Variants in HTR2A observed in about 807,000 individuals in gnomAD.
The protein encoded by HTR2A is 5-HT2 receptor.
HTR2A carries 14 observed loss-of-function variants against 31.0 expected under a neutral mutation model. That is an observed-to-expected ratio of 0.45 (90% CI 0.30 to 0.71). HTR2A has a LOEUF of 0.71. Among genes scored for constraint, HTR2A ranks in the 30% least tolerant of loss-of-function variants. The probability of loss-of-function intolerance (pLI) is 0.09; values close to 1 mark genes in which losing one functional copy is unlikely to be tolerated. For synonymous variants in HTR2A, 209 were observed against 225.2 expected, an observed-to-expected ratio of 0.93 and a Z score of 0.64; for missense variants, 442 against 573.3, an observed-to-expected ratio of 0.77 and a Z score of 2.34.
intron 3 of HTR2A, among the ~76,000 whole-genome samples, chr13:46,887,855 G>A (rs994577117): frequency 1.6e-4 from 24 of 151,786 alleles, no homozygotes; most frequent in African/African-American, 5.8e-4. Flanking sequence ...ATATGTGGGA[G>A]CTGAATCGTG....
chr13:46,892,613 C>A, intron 2 of HTR2A, 23 bp from the exon 3 acceptor site: 1 of 1,607,242 alleles, frequency 6.2e-7, no homozygotes, highest in South Asian at 1.1e-5. Flanking sequence ...AGGTTGGTGT[C>A]AGTGAGCAAC....
At chr13:46,857,344 T>C (rs1316903709) in intron 3 of HTR2A, among the ~76,000 whole-genome samples, 5 of 150,412 alleles carry the variant, frequency 3.3e-5, no homozygotes, top group African/African-American at 1.2e-4. Flanking sequence ...AAGGCTGGAA[T>C]GTCCAAGATG....
chr13:46,876,628 G>T (rs904568308), intron 3 of HTR2A, among the ~76,000 whole-genome samples: 1 of 151,652 alleles, frequency 6.6e-6, no homozygotes, highest in African/African-American at 2.4e-5. Context: ...GTGTTAGCCA[G>T]GATGGTCTCG....
rs754812239 is a variant in HTR2A, at chr13:46,895,863, G to A, written c.44C>T (p.Thr15Met). 9 of 1,613,238 alleles carry A rather than the reference G, an allele frequency of 5.6e-6. No individual in the cohort carries two copies. Among genetic ancestry groups the A allele is most frequent in the Middle Eastern group, 1.7e-4 (1 of 6,056 alleles). The change falls in exon 2 of 4, where the codon ACG (threonine) becomes ATG (methionine). Residue 15 changes from threonine (T) to methionine (M), a missense_variant. This residue lies in a region of HTR2A where 83 missense variants were observed against 84.8 expected (regional missense o/e 0.98). Transcript: ENST00000542664. This position sits in a 1 kb window ranked among gnomAD's most constrained non-coding sequence, Gnocchi z 4.4. ...ATCATTTAATTGCATTAGGGAGTTCGTAGTTGAGCTCAAAGAAGTATTTTC... is the reference window on the plus strand; with the variant it reads ...ATCATTTAATTGCATTAGGGAGTTCATAGTTGAGCTCAAAGAAGTATTTTC... ...CEENTSLSST[T>M]NSLMQLNDDT...
chr13:46,863,273 A>T (rs999041742), intron 3 of HTR2A, among the ~76,000 whole-genome samples: 3 of 152,202 alleles, frequency 2.0e-5, no homozygotes. Flanking sequence ...GATGCTTAAA[A>T]AATAAAAAGG....
intron 3 of HTR2A, among the ~76,000 whole-genome samples, chr13:46,884,602 C>A (rs755072247): frequency 6.6e-6 from 1 of 151,982 alleles, no homozygotes; most frequent in African/African-American, 2.4e-5. Context: ...AGGCGGAGCT[C>A]GCAGTGAGCC....
intron 3 of HTR2A, among the ~76,000 whole-genome samples, chr13:46,890,431 C>T (rs1434403991): frequency 6.6e-6 from 1 of 152,216 alleles, no homozygotes; most frequent in African/African-American, 2.4e-5. Context: ...TGGTGATAGT[C>T]TGCCTCTGGC....
chr13:46,843,122 A>G (rs1470565115), intron 3 of HTR2A, among the ~76,000 whole-genome samples: 2 of 152,216 alleles, frequency 1.3e-5, no homozygotes, highest in Non-Finnish European at 2.9e-5. Context: ...CAGCAGATCA[A>G]CTATTGTGGG....
At chr13:46,848,482 GT>G (rs1166697167) in intron 3 of HTR2A, among the ~76,000 whole-genome samples, 12 of 152,242 alleles carry the variant, frequency 7.9e-5, no homozygotes, top group Non-Finnish European at 1.2e-4. Flanking sequence ...AGTTTAATAG[GT>G]AAAAAGTGGG....
intron 3 of HTR2A, among the ~76,000 whole-genome samples, chr13:46,873,058 T>C (rs1295515863): frequency 6.6e-6 from 1 of 152,178 alleles, no homozygotes; most frequent in African/African-American, 2.4e-5. Context: ...TTTCCTGACT[T>C]TGCCTAGAAA....
intron 3 of HTR2A, among the ~76,000 whole-genome samples, chr13:46,873,027 C>T (rs1021064865): frequency 6.6e-6 from 1 of 152,180 alleles, no homozygotes; most frequent in Non-Finnish European, 1.5e-5. Flanking sequence ...CGTGAGCCAC[C>T]GCACCCGGCC....
At chr13:46,868,787 G>A (rs1950840283) in intron 3 of HTR2A, among the ~76,000 whole-genome samples, 1 of 152,004 alleles carries the variant, frequency 6.6e-6, no homozygotes, top group Non-Finnish European at 1.5e-5. Context: ...CTTATATAAT[G>A]TTATTTCTAA....
At chr13:46,860,818 G>T (rs1950773486) in intron 3 of HTR2A, among the ~76,000 whole-genome samples, 1 of 152,118 alleles carries the variant, frequency 6.6e-6, no homozygotes, top group East Asian at 1.9e-4. Flanking sequence ...ATTTGCTAAT[G>T]GTTTTACATT....
At chr13:46,879,208 A>G (rs1009425752) in intron 3 of HTR2A, among the ~76,000 whole-genome samples, 1 of 152,210 alleles carries the variant, frequency 6.6e-6, no homozygotes, top group Admixed American at 6.5e-5. Flanking sequence ...CAAGGTTAAC[A>G]CAAGAGCTGT....
intron 3 of HTR2A, among the ~76,000 whole-genome samples, chr13:46,847,453 A>G (rs1445016763): frequency 6.6e-6 from 1 of 152,266 alleles, no homozygotes; most frequent in Non-Finnish European, 1.5e-5. Context: ...CTGTTGGCAG[A>G]TAAGATGGTA....
In HTR2A at chr13:46,833,120, G is replaced by T. The variant is rs1188804727; in HGVS notation, c.*1717C>A. 1 of 152,146 alleles carries T rather than the reference G, an allele frequency of 6.6e-6. No individual in the cohort carries two copies. Among genetic ancestry groups the T allele is most frequent in the East Asian group, 1.9e-4 (1 of 5,192 alleles). The allele number at this position is 152,146 out of a possible 1,614,324, so 9.4% of individuals were successfully genotyped here. On this transcript the variant is annotated 3_prime_UTR_variant, in exon 4 of 4. Transcript: ENST00000542664. ...CTATGGTAGTTATAAACTGGCTTGA[G>T]ATTGAGGTGCGTATTTCTAAATTAA...
intron 2 of HTR2A, among the ~76,000 whole-genome samples, chr13:46,894,332 C>A (rs900324065): frequency 1.4e-4 from 22 of 152,312 alleles, no homozygotes; most frequent in African/African-American, 5.3e-4. Flanking sequence ...CTCCTCCTAC[C>A]CCCACTGGAG....
chr13:46,854,151 A>G (rs1004729166), intron 3 of HTR2A: 1 of 152,218 alleles, frequency 6.6e-6, no homozygotes, highest in African/African-American at 2.4e-5. Context: ...CAAGTCTAGG[A>G]TTTGATTCTT....
intron 3 of HTR2A, 141 bp from the exon 4 acceptor site, chr13:46,835,780 C>G (rs1876433999): frequency 3.0e-6 from 2 of 673,432 alleles, no homozygotes; most frequent in Non-Finnish European, 4.9e-6. Context: ...TTTAAAATTC[C>G]TTTGGACTTA....
Sources: gnomAD v4.1 joint callset for allele counts (sites outside exome capture counted in the v4.1 genomes callset) on GRCh38, gnomAD v4.1.1 for gene constraint, gnomAD v4.1.1 regional missense constraint, Gnocchi (gnomAD v3.1) non-coding constraint, MANE v1.5 for transcripts, NCBI Gene and HGNC (gene_info 2026-07-23, HGNC 2026-07-21) for gene names.